The following IL1RAPL1 variants were observed in gnomAD, a reference collection of about 807,000 sequenced individuals.
IL1RAPL1 encodes interleukin-1 receptor accessory protein-like 1.
A neutral mutation model predicts 48.4 loss-of-function variants in IL1RAPL1; 3 were observed. That is an observed-to-expected ratio of 0.06 (90% CI 0.03 to 0.16). The LOEUF (loss-of-function observed/expected upper bound fraction) is 0.16. Among genes scored for constraint, IL1RAPL1 ranks in the 10% least tolerant of loss-of-function variants. The pLI is 1.00. For missense variants in IL1RAPL1, 349 were observed against 530.6 expected (o/e 0.66, Z 3.36); for synonymous variants, 185 against 187.7 (o/e 0.99, Z 0.12).
intron 1 of IL1RAPL1, among the ~76,000 whole-genome samples, chrX:28,776,099 A>G (rs1421600906): frequency 3.6e-5 from 4 of 111,875 alleles, no homozygotes; most frequent in Non-Finnish European, 7.5e-5. Context: ...AGGACAGTGC[A>G]TGGAATATAT....
chrX:28,845,377 CG>C (rs1447422455), intron 2 of IL1RAPL1, among the ~76,000 whole-genome samples: 1 of 109,918 alleles, frequency 9.1e-6, no homozygotes, highest in Non-Finnish European at 1.9e-5. Flanking sequence ...TTTAATTGTA[CG>C]TATTAAAAAA....
At chrX:28,655,651 G>A (rs193051310) in intron 1 of IL1RAPL1, among the ~76,000 whole-genome samples, 14 of 111,808 alleles carry the variant, frequency 1.3e-4, no homozygotes, top group Non-Finnish European at 2.4e-4. Flanking sequence ...CTGACAGATC[G>A]ACAAAAGGCT....
chrX:29,209,435 A>G (rs988747476), intron 2 of IL1RAPL1, among the ~76,000 whole-genome samples: 1 of 112,122 alleles, frequency 8.9e-6, no homozygotes, highest in Non-Finnish European at 1.9e-5. Flanking sequence ...ATCCTTCCAC[A>G]TTGCTATACA....
At chrX:28,944,056 T>C (rs1283872364) in intron 2 of IL1RAPL1, among the ~76,000 whole-genome samples, 1 of 111,091 alleles carries the variant, frequency 9.0e-6, no homozygotes, top group African/African-American at 3.3e-5. Context: ...AATTTAGTTA[T>C]TTTTATTTTT....
intron 6 of IL1RAPL1, among the ~76,000 whole-genome samples, chrX:29,847,855 T>C (rs1001167684): frequency 8.9e-6 from 1 of 112,062 alleles, no homozygotes; most frequent in Non-Finnish European, 1.9e-5. Context: ...CTTTTTCATT[T>C]TGTTTTGGTT....
At position 29,913,078 on chromosome X, in the gene IL1RAPL1, T is replaced by C. The variant is rs777415372; in HGVS notation, c.779-4386T>C. On this transcript the variant is annotated intron_variant, in intron 6 of 10. Coordinates refer to ENST00000378993, the MANE Select transcript of IL1RAPL1 (RefSeq NM_014271.4). The stretch of plus-strand genomic sequence containing the variant: ...TGATTAATTACTTTTTCCCAATAAA[T>C]AGTACCTGGTGAATCCAGCTTTTCT... Among the ~76,000 whole-genome samples, 5 of 111,085 alleles carry C rather than the reference T, an allele frequency of 4.5e-5. No individual in the cohort carries two copies. The East Asian group carries it at 1.4e-3, about 31-fold the overall frequency.
chrX:29,109,730 A>T (rs1928523858), intron 2 of IL1RAPL1, among the ~76,000 whole-genome samples: 1 of 111,731 alleles, frequency 9.0e-6, no homozygotes, highest in South Asian at 3.7e-4. Context: ...TCTAAGTTCA[A>T]TGATATTCTT....
chrX:29,569,084 A>T (rs1184734371), intron 5 of IL1RAPL1, among the ~76,000 whole-genome samples: 1 of 111,463 alleles, frequency 9.0e-6, no homozygotes. Flanking sequence ...TGTTTAGTAG[A>T]TAATATGGAA....
chrX:29,263,368 A>G lies in IL1RAPL1; in HGVS notation c.83-19570A>G, dbSNP rs145510536. On this transcript the variant is annotated intron_variant, in intron 2 of 10. Coordinates refer to ENST00000378993, the MANE Select transcript of IL1RAPL1 (RefSeq NM_014271.4). ...GAAAACAGCAGGAGCAATTCAGTTA[A>G]TACTCAGTTACCTTGAAGAGGTTGA... Among the ~76,000 whole-genome samples, 695 of 112,341 alleles carry G rather than the reference A, an allele frequency of 6.2e-3. 6 individuals carry two copies. Among genetic ancestry groups the G allele is most frequent in the African/African-American group, 0.022 (666 of 30,907 alleles).
intron 5 of IL1RAPL1, among the ~76,000 whole-genome samples, chrX:29,575,226 T>A (rs749003503): frequency 2.3e-4 from 26 of 111,809 alleles, no homozygotes; most frequent in Non-Finnish European, 4.5e-4. Flanking sequence ...GGGACAGAAC[T>A]AATAGGATAT....
chrX:28,891,310 T>C (rs1922765235), intron 2 of IL1RAPL1, among the ~76,000 whole-genome samples: 1 of 112,137 alleles, frequency 8.9e-6, no homozygotes, highest in African/African-American at 3.2e-5. Flanking sequence ...CAGACTTGAC[T>C]TAAAAATAAT....
chrX:28,596,366 C>T (rs1424121995), intron 1 of IL1RAPL1, among the ~76,000 whole-genome samples: 2 of 108,866 alleles, frequency 1.8e-5, no homozygotes, highest in South Asian at 4.2e-4. Flanking sequence ...TTCCTTCCCT[C>T]CCTCCCCTTC....
Position 29,668,515 on chromosome X carries a change from C to G in IL1RAPL1, c.778+11C>G. On this transcript the variant is annotated intron_variant, in intron 6 of 10. Coordinates refer to ENST00000378993, the MANE Select transcript of IL1RAPL1 (RefSeq NM_014271.4). ...AGGAGACCCAGCTGGGTGAGTAATT[C>G]CTTAATTCTAGTTAATATGCTGCTC... 8.8e-7 allele frequency: 1 copy of G among 1,134,835 alleles called. No individual in the cohort carries two copies. Among genetic ancestry groups the G allele is most frequent in the Non-Finnish European group, 1.2e-6 (1 of 826,707 alleles). 93.5% of individuals were successfully genotyped at this position (1,134,835 alleles called of 1,213,427 possible). A position where few individuals can be genotyped will look rare whatever the true frequency, so the allele number is the denominator to read the frequency against.
chrX:28,979,584 A>G (rs1442724440), intron 2 of IL1RAPL1, among the ~76,000 whole-genome samples: 1 of 111,842 alleles, frequency 8.9e-6, no homozygotes, highest in Non-Finnish European at 1.9e-5. Flanking sequence ...CATGGAGAAT[A>G]CCTTTTTGCT....
At chrX:29,628,700 TC>T (rs1924684891) in intron 5 of IL1RAPL1, among the ~76,000 whole-genome samples, 1 of 112,290 alleles carries the variant, frequency 8.9e-6, no homozygotes, top group African/African-American at 3.2e-5. Context: ...TAATTTTCTT[TC>T]TATCCCGTTG....
chrX:29,249,641 A>G (rs779427707), intron 2 of IL1RAPL1, among the ~76,000 whole-genome samples: 87 of 111,897 alleles, frequency 7.8e-4, no homozygotes, highest in Non-Finnish European at 1.4e-3. Context: ...AATCTGACTC[A>G]CATTCTATAT....
At chrX:28,741,794 C>A (rs920764478) in intron 1 of IL1RAPL1, among the ~76,000 whole-genome samples, 13 of 111,938 alleles carry the variant, frequency 1.2e-4, no homozygotes, top group African/African-American at 3.9e-4. Flanking sequence ...GTTTTCTTAT[C>A]AGCATGAATA....
chrX:28,719,363 GTTATTA>G (rs940662583), intron 1 of IL1RAPL1, among the ~76,000 whole-genome samples: 1 of 111,154 alleles, frequency 9.0e-6, no homozygotes, highest in Admixed American at 9.7e-5. Context: ...TGTTATTACT[GTTATTA>G]TTATTAAGCA....
intron 2 of IL1RAPL1, among the ~76,000 whole-genome samples, chrX:28,815,835 T>TTATATA (rs1426032009): frequency 3.6e-4 from 10 of 27,686 alleles, no homozygotes; most frequent in Non-Finnish European, 6.4e-4. Context: ...GTATGTGTGT[T>TTATATA]TATGTATATA....
Sources: allele counts gnomAD v4.1 joint callset (sites outside exome capture counted in the v4.1 genomes callset), GRCh38; gene constraint gnomAD v4.1.1; transcripts MANE v1.5; gene names NCBI Gene and HGNC (gene_info 2026-07-23, HGNC 2026-07-21).